The following CCDC3 variants were observed in gnomAD, a reference collection of about 807,000 sequenced individuals.
CCDC3 encodes coiled-coil domain-containing protein 3.
A neutral mutation model predicts 21.4 loss-of-function variants in CCDC3; 24 were observed. The observed-to-expected ratio is 1.12, with a 90% CI of 0.81 to 1.58. CCDC3 has a LOEUF of 1.58. CCDC3 is among the 40% of genes most tolerant of loss of function. CCDC3 has a pLI of 0.00. For synonymous variants in CCDC3, 186 were observed against 166.0 expected (o/e 1.12, Z -0.93); for missense variants, 425 against 360.9 (o/e 1.18, Z -1.44).
chr10:13,081,981 C>T (rs541679), intron 3 of CCDC3, among the ~76,000 whole-genome samples: 2,323 of 152,294 alleles, frequency 0.015, 69 homozygotes, highest in African/African-American at 0.054. Context: ...CTGCTATTTC[C>T]TAAAATGCAG....
At chr10:12,950,516 A>G (rs1239243381) in intron 2 of CCDC3, among the ~76,000 whole-genome samples, 2 of 152,208 alleles carry the variant, frequency 1.3e-5, no homozygotes, top group African/African-American at 4.8e-5. Context: ...ATCAGTTCAG[A>G]TGCAAAGAGC....
chr10:13,086,347 T>C (rs961947767), intron 3 of CCDC3, among the ~76,000 whole-genome samples: 9 of 152,242 alleles, frequency 5.9e-5, no homozygotes, highest in African/African-American at 2.2e-4. Flanking sequence ...AAAGTTAGCA[T>C]AACAATTCCA....
chr10:12,986,790 A>AG (rs1171926755), intron 2 of CCDC3, among the ~76,000 whole-genome samples: 2 of 151,550 alleles, frequency 1.3e-5, no homozygotes, highest in Non-Finnish European at 2.9e-5. Flanking sequence ...AAAAACAAAA[A>AG]AACAAAAACA....
At chr10:12,925,911 C>G (rs1834529536) in intron 2 of CCDC3, among the ~76,000 whole-genome samples, 2 of 152,240 alleles carry the variant, frequency 1.3e-5, no homozygotes, top group Non-Finnish European at 2.9e-5. Context: ...CAGAAAAGAA[C>G]AGGCAGAACA....
At chr10:12,905,858 C>T (rs1929382) in intron 2 of CCDC3, among the ~76,000 whole-genome samples, 20,670 of 152,124 alleles carry the variant, frequency 0.14, 1,747 homozygotes, top group East Asian at 0.27. Context: ...CCGCAGTTGG[C>T]CGGTTAATTC....
intron 2 of CCDC3, among the ~76,000 whole-genome samples, chr10:12,985,104 G>C (rs1008006075): frequency 6.6e-6 from 1 of 152,080 alleles, no homozygotes; most frequent in African/African-American, 2.4e-5. Flanking sequence ...TAAAGCTATA[G>C]ATTTTTTTTA....
At position 12,898,544 on chromosome 10, in the gene CCDC3, G is replaced by A. The variant is rs749951291; in HGVS notation, c.685C>T (p.Arg229Trp). ...TGGCGGCCCTTCTTACGCGCCTGCC[G>A]CAAGGACCTCTTGACCTTCTTCACT... ...ERVKKVKRSL[R>W]QARKKGRHLE... Residue 229 changes from arginine (R) to tryptophan (W), a missense_variant, in exon 3 of 3, where the codon CGG becomes TGG. Coordinates refer to ENST00000378825, the MANE Select transcript of CCDC3 (RefSeq NM_031455.4). 50 of 1,614,074 alleles carry A rather than the reference G, an allele frequency of 3.1e-5. No homozygotes were observed. The highest frequency in any genetic ancestry group is 3.9e-5 in the Non-Finnish European group (46 of 1,180,050).
rs1461026411 is a variant in CCDC3, at chr10:13,014,460, AAAAAAAAAAAG to A, written c.-1-15959_-1-15949del. 3.6e-3 allele frequency among the ~76,000 whole-genome samples: 220 copies of A among 60,368 alleles called. 2 individuals are homozygous for A. The highest frequency in any genetic ancestry group is 5.1e-3 in the African/African-American group (129 of 25,260). The allele number at this position is 60,368 out of a possible 152,430, so 39.6% of individuals were successfully genotyped here. The stretch of plus-strand genomic sequence containing the variant: ...GTGAGACTCTGTCTCAAAAAAAAGA[AAAAAAAAAAAG>A]AAAAAAAAAAGAAAAGAAAGAGAGA... On this transcript the variant is annotated intron_variant, in intron 5 of 6. Coordinates refer to the CCDC3 transcript ENST00000378839.
At chr10:13,050,864 G>A (rs1007799843) in intron 4 of CCDC3, among the ~76,000 whole-genome samples, 3 of 152,056 alleles carry the variant, frequency 2.0e-5, no homozygotes, top group Admixed American at 6.5e-5. Context: ...ACAGCTCATT[G>A]CAGCCTCAAC....
chr10:13,080,500 T>A (rs1449273852), intron 3 of CCDC3, among the ~76,000 whole-genome samples: 2 of 152,128 alleles, frequency 1.3e-5, no homozygotes, highest in Non-Finnish European at 2.9e-5. Context: ...AAAATATACT[T>A]TTAGTAAAAG....
chr10:12,954,879 G>C (rs984197664), intron 2 of CCDC3, among the ~76,000 whole-genome samples: 1 of 152,096 alleles, frequency 6.6e-6, no homozygotes, highest in African/African-American at 2.4e-5. Context: ...ACTTATCCTT[G>C]AAAACATAAG....
chr10:12,947,479 G>A (rs777908781), intron 2 of CCDC3, among the ~76,000 whole-genome samples: 2 of 152,218 alleles, frequency 1.3e-5, no homozygotes, highest in Non-Finnish European at 2.9e-5. Context: ...TATTTCATGA[G>A]CTTCCACCAT....
intron 2 of CCDC3, among the ~76,000 whole-genome samples, chr10:12,970,160 G>A (rs1835319753): frequency 6.6e-6 from 1 of 152,096 alleles, no homozygotes; most frequent in African/African-American, 2.4e-5. Flanking sequence ...GCTTTTCCTG[G>A]CAAAGGCTGA....
chr10:13,062,890 T>C (rs933150114), intron 4 of CCDC3, among the ~76,000 whole-genome samples: 7 of 152,044 alleles, frequency 4.6e-5, no homozygotes, highest in African/African-American at 1.7e-4. Context: ...ACTACCCAGA[T>C]CAATAAACTT....
At chr10:13,080,473 A>C (rs774964772) in intron 3 of CCDC3, among the ~76,000 whole-genome samples, 1 of 152,236 alleles carries the variant, frequency 6.6e-6, no homozygotes, top group Non-Finnish European at 1.5e-5. Flanking sequence ...TTTATGTGCA[A>C]GATATGTAAG....
At chr10:13,031,991 T>C (rs991431902) in intron 5 of CCDC3, among the ~76,000 whole-genome samples, 5 of 152,220 alleles carry the variant, frequency 3.3e-5, no homozygotes, top group Admixed American at 3.3e-4. Flanking sequence ...ACTCATTTTA[T>C]GAGGCCAGCA....
At chr10:13,094,498 G>A (rs535652175) in intron 3 of CCDC3, among the ~76,000 whole-genome samples, 22 of 151,758 alleles carry the variant, frequency 1.4e-4, no homozygotes, top group African/African-American at 5.3e-4. Flanking sequence ...CTCATGACCC[G>A]CCCACCTCAG....
At chr10:13,084,533 C>T (rs1026531793) in intron 3 of CCDC3, among the ~76,000 whole-genome samples, 8 of 152,126 alleles carry the variant, frequency 5.3e-5, no homozygotes, top group Admixed American at 1.3e-4. Flanking sequence ...GTGATCCACT[C>T]GCCTCGGCCT....
intron 2 of CCDC3, among the ~76,000 whole-genome samples, chr10:12,916,573 T>A (rs982691689): frequency 3.5e-5 from 5 of 144,898 alleles, no homozygotes; most frequent in Admixed American, 2.8e-4. Context: ...TGAGCTGAGA[T>A]CACGCCACTG....
Sources: allele counts gnomAD v4.1 joint callset (sites outside exome capture counted in the v4.1 genomes callset), GRCh38; gene constraint gnomAD v4.1.1; transcripts MANE v1.5; gene names NCBI Gene and HGNC (gene_info 2026-07-23, HGNC 2026-07-21).